Variants in RPA1 observed in about 807,000 individuals in gnomAD.
RPA1 encodes the protein replication protein A1, also known as replication protein A 70 kDa DNA-binding subunit.
In RPA1, 49 loss-of-function variants were observed where a neutral mutation model predicts 83.0. That is an observed-to-expected ratio of 0.59 (90% confidence interval 0.47 to 0.75). The LOEUF (loss-of-function observed/expected upper bound fraction) is 0.75. RPA1 is among the 30% of genes least tolerant of loss of function. The pLI is 0.00. For synonymous variants in RPA1, 279 were observed against 281.8 expected (o/e 0.99, Z 0.10); for missense variants, 693 against 776.1 (o/e 0.89, Z 1.27).
At position 1,843,931 on chromosome 17, in the gene RPA1, C is replaced by T. The variant is rs1242233838; in HGVS notation, c.96C>T (p.Pro32=). The change falls in exon 3 of 17, where the codon CCC becomes CCT. Residue 32 remains proline, a synonymous_variant. Transcript: ENST00000254719. ...GTTTTCTGTCCTAGAACATCCGTCC[C>T]ATTACTACGGGGAATAGTCCGCCGC... ...KPILQVINIR[P]ITTGNSPPRY... 3.7e-6 allele frequency: 6 copies of T among 1,613,802 alleles called. No individual in the cohort carries two copies. Among genetic ancestry groups the T allele is most frequent in the Non-Finnish European group, 4.2e-6 (5 of 1,179,874 alleles).
At chr17:1,832,514 G>T (rs1385192139) in intron 1 of RPA1, among the ~76,000 whole-genome samples, 1 of 151,940 alleles carries the variant, frequency 6.6e-6, no homozygotes, top group Non-Finnish European at 1.5e-5. Context: ...AGCCTCCCAG[G>T]TAGCTGAGAA....
intron 5 of RPA1, chr17:1,857,930 A>G: frequency 2.5e-6 from 4 of 1,578,170 alleles, no homozygotes; most frequent in Non-Finnish European, 3.5e-6. Context: ...ATACAAAAGG[A>G]TCTAAACAAA....
rs1914217532 is a variant in RPA1 at position 1,891,917 on chromosome 17, T to C, written c.1636T>C (p.Tyr546His). Residue 546 changes from tyrosine (Y) to histidine (H), a missense_variant, in exon 15 of 17, where the codon TAT becomes CAT. Physicochemically the swap from Tyr to His is moderately conservative, Grantham distance 83. Coordinates refer to ENST00000254719, the MANE Select transcript of RPA1 (RefSeq NM_002945.5). Reference sequence around the variant, plus strand: ...AGCTATCCTTGGACAAAATGCTGCTTATCTTGGGGAATTAAAAGACAAGGT... The same window carrying C: ...AGCTATCCTTGGACAAAATGCTGCTCATCTTGGGGAATTAAAAGACAAGGT... ...AEAILGQNAA[Y>H]LGELKDKNEQ... 1 of 1,606,124 alleles carries C rather than the reference T, an allele frequency of 6.2e-7. No individual in the cohort carries two copies. Among genetic ancestry groups the C allele is most frequent in the African/African-American group, 1.3e-5 (1 of 74,798 alleles).
At chr17:1,843,423 C>T (rs1241747594) in intron 2 of RPA1, among the ~76,000 whole-genome samples, 2 of 151,762 alleles carry the variant, frequency 1.3e-5, no homozygotes, top group African/African-American at 2.4e-5. Flanking sequence ...CCTCTGCTCT[C>T]TCTCAGGTGG....
intron 4 of RPA1, among the ~76,000 whole-genome samples, chr17:1,845,166 G>GTGTC (rs755878265): frequency 0.01 from 950 of 91,338 alleles, 7 homozygotes; most frequent in South Asian, 0.037. Context: ...GCTGCTTTGT[G>GTGTC]TGTGTGTGTG....
chr17:1,888,927 A>G (rs1914099189), intron 14 of RPA1, 76 bp downstream of exon 14: 2 of 1,461,868 alleles, frequency 1.4e-6, no homozygotes, highest in African/African-American at 2.8e-5. Context: ...TGTGGTCACA[A>G]CAGTAGAGAC....
chr17:1,832,870 C>T (rs1911675150), intron 1 of RPA1, among the ~76,000 whole-genome samples: 1 of 152,072 alleles, frequency 6.6e-6, no homozygotes, highest in Non-Finnish European at 1.5e-5. Context: ...TTAATAATTG[C>T]AGTTTTATGT....
chr17:1,855,363 G>GTGTT (rs1555588804), intron 5 of RPA1, among the ~76,000 whole-genome samples: 1,612 of 120,138 alleles, frequency 0.013, 109 homozygotes, highest in African/African-American at 0.042. Context: ...GTGTGTGTGT[G>GTGTT]TGTTTAGTAG....
chr17:1,831,816 G>A (rs1036068603), intron 1 of RPA1, among the ~76,000 whole-genome samples: 39 of 150,802 alleles, frequency 2.6e-4, no homozygotes, highest in South Asian at 1.0e-3. Context: ...AGCCAGGATG[G>A]TCTCGATCTC....
chr17:1,879,491 C>T (rs902215855), intron 10 of RPA1, 69 bp from the exon 11 acceptor site: 12 of 1,611,834 alleles, frequency 7.4e-6, no homozygotes, highest in East Asian at 2.2e-5. Flanking sequence ...CAGTGCTTGC[C>T]GTTCATCATT....
chr17:1,879,097 G>A (rs769762798), intron 9 of RPA1, 36 bp downstream of exon 9: 63 of 1,612,810 alleles, frequency 3.9e-5, no homozygotes, highest in Middle Eastern at 1.7e-4. Flanking sequence ...GACACCGCCT[G>A]GGGGTGGAGT....
chr17:1,879,419 T>C lies in RPA1; in HGVS notation c.952+12T>C, dbSNP rs780049774. On this transcript the variant is annotated intron_variant, in intron 10 of 16. Transcript: ENST00000254719. ...AGACTCACTTGTAGGTAAGCTCGTG[T>C]ATGAGAAGGAAGAGCAGGGATGACT... is the stretch of plus-strand genomic sequence containing the variant. 1 of 1,613,414 alleles carries C rather than the reference T, an allele frequency of 6.2e-7. No homozygotes were observed. The highest frequency in any genetic ancestry group is 8.5e-7 in the Non-Finnish European group (1 of 1,179,472).
intron 5 of RPA1, among the ~76,000 whole-genome samples, chr17:1,863,305 G>A (rs924122420): frequency 2.6e-5 from 4 of 151,516 alleles, no homozygotes; most frequent in African/African-American, 9.7e-5. Flanking sequence ...TCCACCTCCC[G>A]GGCTCAAGCG....
At chr17:1,845,022 C>G (rs1203089480) in intron 4 of RPA1, among the ~76,000 whole-genome samples, 1 of 152,106 alleles carries the variant, frequency 6.6e-6, no homozygotes, top group African/African-American at 2.4e-5. Flanking sequence ...CTCCTGAGAT[C>G]AGGCAATCTG....
At chr17:1,835,140 T>G (rs1280429209) in intron 1 of RPA1, among the ~76,000 whole-genome samples, 1 of 152,046 alleles carries the variant, frequency 6.6e-6, no homozygotes, top group Non-Finnish European at 1.5e-5. Flanking sequence ...CTTGAGCCAT[T>G]GCACCTGGCC....
chr17:1,839,336 A>AT (rs954492095), intron 1 of RPA1, among the ~76,000 whole-genome samples: 15 of 147,588 alleles, frequency 1.0e-4, no homozygotes, highest in Admixed American at 6.1e-4. Flanking sequence ...TTTATTTTTT[A>AT]TTTTTTTTGA....
intron 15 of RPA1, among the ~76,000 whole-genome samples, chr17:1,894,419 C>T (rs907461831): frequency 5.9e-5 from 9 of 152,132 alleles, no homozygotes; most frequent in African/African-American, 1.9e-4. Context: ...CACCCGCTTC[C>T]GCTTCCCAAA....
At chr17:1,885,377 T>C (rs553536192) in intron 13 of RPA1, among the ~76,000 whole-genome samples, 242 of 152,308 alleles carry the variant, frequency 1.6e-3, no homozygotes, top group Middle Eastern at 3.4e-3. Context: ...ACCAAAGTCT[T>C]GAAGCCTCAG....
At chr17:1,878,934 G>A in intron 8 of RPA1, 59 bp from the exon 9 acceptor site, 2 of 1,551,540 alleles carry the variant, frequency 1.3e-6, no homozygotes, top group Non-Finnish European at 1.8e-6. Context: ...GTGTCACTTG[G>A]GTGCTGGGGT....
Sources: gnomAD v4.1 joint callset for allele counts (sites outside exome capture counted in the v4.1 genomes callset) on GRCh38, gnomAD v4.1.1 for gene constraint, MANE v1.5 for transcripts, NCBI Gene and HGNC (gene_info 2026-07-23, HGNC 2026-07-21) for gene names.